The following RIT2 variants were observed in gnomAD, a reference collection of about 807,000 sequenced individuals.
The protein encoded by RIT2 is Ras like without CAAX 2.
RIT2 carries 24 observed loss-of-function variants against 23.7 expected under a neutral mutation model. That is an observed-to-expected ratio of 1.01 (90% CI 0.73 to 1.43). The LOEUF (loss-of-function observed/expected upper bound fraction) is 1.43, where lower values mean the gene tolerates loss of function less well. Ranked by LOEUF, RIT2 falls within the 40% of genes most tolerant of loss-of-function variation. The pLI, the probability that RIT2 is intolerant of heterozygous loss-of-function variation, is 0.00. For synonymous variants in RIT2, 107 were observed against 91.1 expected, an observed-to-expected ratio of 1.17 and a Z score of -0.99; for missense variants, 236 against 266.9, an observed-to-expected ratio of 0.88 and a Z score of 0.81.
At chr18:42,922,756 C>T (rs1304039757) in intron 4 of RIT2, among the ~76,000 whole-genome samples, 1 of 152,100 alleles carries the variant, frequency 6.6e-6, no homozygotes, top group Non-Finnish European at 1.5e-5. Flanking sequence ...CTAAGCTAGC[C>T]ACAGTTTCTT....
At chr18:42,779,083 G>A (rs2143928635) in intron 4 of RIT2, among the ~76,000 whole-genome samples, 1 of 152,206 alleles carries the variant, frequency 6.6e-6, no homozygotes, top group East Asian at 1.9e-4. Flanking sequence ...ATTTAGTGAA[G>A]ATACCATGAT....
intron 1 of RIT2, among the ~76,000 whole-genome samples, chr18:43,099,142 A>T (rs1913623857): frequency 6.6e-6 from 1 of 152,030 alleles, no homozygotes; most frequent in African/African-American, 2.4e-5. Context: ...GGTAATTGTA[A>T]TTTCCTTATC....
chr18:42,838,580 A>T (rs1906680006), intron 4 of RIT2, among the ~76,000 whole-genome samples: 1 of 152,162 alleles, frequency 6.6e-6, no homozygotes, highest in African/African-American at 2.4e-5. Context: ...AAGGAGGTCA[A>T]ATGACTCGTC....
At chr18:42,880,692 T>C (rs1319344432) in intron 4 of RIT2, among the ~76,000 whole-genome samples, 1 of 152,122 alleles carries the variant, frequency 6.6e-6, no homozygotes, top group East Asian at 1.9e-4. Flanking sequence ...TTCATATACA[T>C]TGATGACTTT....
chr18:43,060,218 A>G (rs911668088), intron 1 of RIT2, among the ~76,000 whole-genome samples: 4 of 152,130 alleles, frequency 2.6e-5, no homozygotes, highest in African/African-American at 9.7e-5. Flanking sequence ...GAGTTATCCA[A>G]TGTAGCCAAG....
At chr18:42,824,432 G>A (rs752512380) in intron 4 of RIT2, among the ~76,000 whole-genome samples, 2 of 151,996 alleles carry the variant, frequency 1.3e-5, no homozygotes, top group African/African-American at 4.8e-5. Context: ...ATATAAGAGT[G>A]CAATATTCAT....
chr18:43,029,861 G>A (rs12326690), intron 2 of RIT2, among the ~76,000 whole-genome samples: 19 of 151,824 alleles, frequency 1.3e-4, no homozygotes, highest in Non-Finnish European at 2.8e-4. Context: ...ATCATTTTAG[G>A]TCAAGAAATA....
intron 1 of RIT2, among the ~76,000 whole-genome samples, chr18:43,043,811 TAAATAAATAAATC>T (rs1408859700): frequency 4.0e-5 from 6 of 151,420 alleles, no homozygotes; most frequent in African/African-American, 1.5e-4. Flanking sequence ...AACAAACAAA[TAAATAAATAAATC>T]AAATAAATAA....
chr18:43,048,529 T>G (rs1310962829), intron 1 of RIT2, among the ~76,000 whole-genome samples: 3 of 152,190 alleles, frequency 2.0e-5, no homozygotes, highest in Non-Finnish European at 4.4e-5. Flanking sequence ...TCATCTATAA[T>G]GTAGGGTTAA....
At chr18:42,898,396 C>A in intron 4 of RIT2, among the ~76,000 whole-genome samples, 1 of 152,110 alleles carries the variant, frequency 6.6e-6, no homozygotes, top group Non-Finnish European at 1.5e-5. Flanking sequence ...TGTCCCAAAA[C>A]AAAATCAACA....
At chr18:43,097,563 T>G (rs1411520377) in intron 1 of RIT2, among the ~76,000 whole-genome samples, 1 of 151,830 alleles carries the variant, frequency 6.6e-6, no homozygotes, top group Non-Finnish European at 1.5e-5. Flanking sequence ...AAAAGTTACA[T>G]ATAGAGACAT....
chr18:42,984,680 A>G (rs1477293918), intron 2 of RIT2, among the ~76,000 whole-genome samples: 1 of 152,050 alleles, frequency 6.6e-6, no homozygotes, highest in Non-Finnish European at 1.5e-5. Flanking sequence ...ATTATCTAAA[A>G]CTAAAAAGTT....
chr18:42,917,940 C>T (rs1908954675), intron 4 of RIT2, among the ~76,000 whole-genome samples: 1 of 152,136 alleles, frequency 6.6e-6, no homozygotes, highest in Non-Finnish European at 1.5e-5. Context: ...CAACCCCTTC[C>T]CTTGCTTCAT....
At chr18:42,978,544 C>A (rs1910525570) in intron 2 of RIT2, among the ~76,000 whole-genome samples, 1 of 151,968 alleles carries the variant, frequency 6.6e-6, no homozygotes, top group African/African-American at 2.4e-5. Context: ...GCCTATAGAC[C>A]CAATCCTGAA....
intron 2 of RIT2, among the ~76,000 whole-genome samples, chr18:42,984,299 C>CA (rs560936980): frequency 1.7e-3 from 264 of 152,090 alleles, no homozygotes; most frequent in African/African-American, 5.8e-3. Flanking sequence ...CTAACTGAAA[C>CA]AGCCAATCTT....
At chr18:42,982,424 C>T (rs1910618644) in intron 2 of RIT2, among the ~76,000 whole-genome samples, 1 of 152,194 alleles carries the variant, frequency 6.6e-6, no homozygotes, top group Middle Eastern at 3.4e-3. Flanking sequence ...ACATACACAC[C>T]CAAAATAATG....
At chr18:43,111,125 G>GAATGAGATCCAGTCATTTGCA (rs1232910201) in intron 1 of RIT2, among the ~76,000 whole-genome samples, 2 of 152,116 alleles carry the variant, frequency 1.3e-5, no homozygotes, top group Admixed American at 6.6e-5. Flanking sequence ...CTATATAAAA[G>GAATGAGATCCAGTCATTTGCA]AATGAGATCC....
intron 4 of RIT2, among the ~76,000 whole-genome samples, chr18:42,838,811 A>G (rs1405518951): frequency 6.6e-6 from 1 of 152,234 alleles, no homozygotes; most frequent in Non-Finnish European, 1.5e-5. Context: ...ATTAGGCACT[A>G]GAAAGTTTGC....
intron 4 of RIT2, among the ~76,000 whole-genome samples, chr18:42,780,854 T>A (rs1487175171): frequency 6.6e-6 from 1 of 151,584 alleles, no homozygotes; most frequent in Non-Finnish European, 1.5e-5. Flanking sequence ...GGCCAAGAAG[T>A]TGTCCAGTCA....
Sources: gnomAD v4.1 joint callset for allele counts (sites outside exome capture counted in the v4.1 genomes callset) on GRCh38, gnomAD v4.1.1 for gene constraint, MANE v1.5 for transcripts, NCBI Gene and HGNC (gene_info 2026-07-23, HGNC 2026-07-21) for gene names.